Variants in NTNG1 observed in about 807,000 individuals in gnomAD.
NTNG1 encodes netrin-G1.
NTNG1 carries 16 observed loss-of-function variants against 54.0 expected under a neutral mutation model. The observed-to-expected ratio is 0.30, with a 90% CI of 0.20 to 0.45. The LOEUF (loss-of-function observed/expected upper bound fraction) is 0.45, where lower values mean the gene tolerates loss of function less well. NTNG1 is among the 20% of genes least tolerant of loss of function. NTNG1 has a pLI of 1.00. For synonymous variants in NTNG1, 255 were observed against 263.1 expected, an observed-to-expected ratio of 0.97 and a Z score of 0.30; for missense variants, 530 against 678.7, an observed-to-expected ratio of 0.78 and a Z score of 2.43.
chr1:107,243,917 T>C (rs1662010977), intron 2 of NTNG1, among the ~76,000 whole-genome samples: 1 of 152,224 alleles, frequency 6.6e-6, no homozygotes, highest in African/African-American at 2.4e-5. Flanking sequence ...ACTAGGCATT[T>C]TGTCCAGTGA....
intron 3 of NTNG1, among the ~76,000 whole-genome samples, chr1:107,329,238 C>A (rs756884986): frequency 2.7e-4 from 41 of 152,284 alleles, no homozygotes; most frequent in African/African-American, 2.4e-4. Flanking sequence ...TGCTCAGAAT[C>A]ACACTCTCCC....
At chr1:107,477,681 C>T (rs1678416474) in intron 7 of NTNG1, among the ~76,000 whole-genome samples, 1 of 151,958 alleles carries the variant, frequency 6.6e-6, no homozygotes, top group Admixed American at 6.6e-5. Flanking sequence ...ATTATTTATA[C>T]TATCATGTGA....
chr1:107,442,717 C>T (rs1676041872), intron 7 of NTNG1, among the ~76,000 whole-genome samples: 1 of 152,102 alleles, frequency 6.6e-6, no homozygotes. Flanking sequence ...CTGAGCAGCC[C>T]ACATCAAGGG....
At chr1:107,394,988 C>CT (rs776835857) in intron 3 of NTNG1, among the ~76,000 whole-genome samples, 166 bp from the exon 4 acceptor site, 1 of 152,078 alleles carries the variant, frequency 6.6e-6, no homozygotes, top group East Asian at 1.9e-4. Context: ...GCAAACGGCT[C>CT]TTTTGGGGAA....
chr1:107,453,340 C>T (rs1172787854), intron 7 of NTNG1, among the ~76,000 whole-genome samples: 1 of 152,174 alleles, frequency 6.6e-6, no homozygotes, highest in African/African-American at 2.4e-5. Flanking sequence ...TAATGTTCCT[C>T]TAGGATATGG....
intron 7 of NTNG1, 23 bp from the exon 8 acceptor site, chr1:107,480,588 C>CCCAAAA: frequency 1.8e-6 from 2 of 1,119,754 alleles, no homozygotes; most frequent in Non-Finnish European, 2.6e-6. Context: ...CCACCCACCC[C>CCCAAAA]TACCTTCCCC....
At chr1:107,325,298 A>C (rs1179322576) in intron 3 of NTNG1, among the ~76,000 whole-genome samples, 1 of 152,150 alleles carries the variant, frequency 6.6e-6, no homozygotes, top group Non-Finnish European at 1.5e-5. Flanking sequence ...AATGCAAAGC[A>C]GGGATTCAAC....
chr1:107,182,536 GA>G (rs905675451), intron 2 of NTNG1, among the ~76,000 whole-genome samples: 4 of 151,846 alleles, frequency 2.6e-5, no homozygotes, highest in East Asian at 1.9e-4. Context: ...ATAGATACAA[GA>G]AAAAAAATGA....
intron 6 of NTNG1, among the ~76,000 whole-genome samples, chr1:107,433,553 A>C (rs1675408981): frequency 6.6e-6 from 1 of 152,204 alleles, no homozygotes; most frequent in Non-Finnish European, 1.5e-5. Flanking sequence ...CATCTCAAAA[A>C]ATAAAATAAA....
intron 5 of NTNG1, among the ~76,000 whole-genome samples, chr1:107,413,533 T>C (rs1353932909): frequency 6.6e-6 from 1 of 152,146 alleles, no homozygotes; most frequent in Admixed American, 6.5e-5. Flanking sequence ...AGGGACCTTG[T>C]AATTTTATCT....
At position 107,148,709 on chromosome 1, in the gene NTNG1, C is replaced by A. The variant is rs776588522; in HGVS notation, c.116C>A (p.Thr39Lys). ...HYDLCKTQIY[T>K]EEGKVWDYMA... is the part of the protein sequence containing the mutation. The stretch of plus-strand genomic sequence containing the variant: ...GATTTGTGTAAGACTCAGATTTACA[C>A]GGAAGAAGGGAAAGTTTGGGATTAC... The change falls in exon 2 of 8, where the codon ACG (threonine) becomes AAG (lysine). Residue 39 changes from threonine (T) to lysine (K), a missense_variant. By Grantham distance (78) the Thr-to-Lys change is moderately conservative. Around this residue, in one of 2 missense-constraint regions of NTNG1, gnomAD observed 318 missense variants for 465.1 expected, o/e 0.68. Transcript: ENST00000370068. 2 of 1,613,454 alleles carry A rather than the reference C, an allele frequency of 1.2e-6. No individual in the cohort carries two copies. The highest frequency in any genetic ancestry group is 1.7e-6 in the Non-Finnish European group (2 of 1,179,720).
intron 5 of NTNG1, among the ~76,000 whole-genome samples, chr1:107,414,347 G>A (rs1674054823): frequency 6.6e-6 from 1 of 151,966 alleles, no homozygotes; most frequent in Non-Finnish European, 1.5e-5. Context: ...GTTTGGGGGT[G>A]GGTTCTTAAA....
intron 3 of NTNG1, among the ~76,000 whole-genome samples, chr1:107,359,210 C>T (rs1241700668): frequency 6.6e-6 from 1 of 152,130 alleles, no homozygotes; most frequent in African/African-American, 2.4e-5. Flanking sequence ...CAGCTCATGA[C>T]AATGTAATTA....
At chr1:107,361,119 GTATTATATATTTCTTATATTATA>G (rs911689286) in intron 3 of NTNG1, among the ~76,000 whole-genome samples, 10 of 142,446 alleles carry the variant, frequency 7.0e-5, no homozygotes, top group Admixed American at 2.9e-4. Context: ...AATATATATA[GTATTATATATTTCTTATATTATA>G]TATTATATAT....
chr1:107,437,491 G>A (rs571513926), intron 7 of NTNG1, among the ~76,000 whole-genome samples: 25 of 152,154 alleles, frequency 1.6e-4, no homozygotes, highest in African/African-American at 5.3e-4. Context: ...GGTTCCTTCC[G>A]TCTTTTATAA....
At chr1:107,286,392 A>C (rs1274872782) in intron 2 of NTNG1, among the ~76,000 whole-genome samples, 1 of 152,174 alleles carries the variant, frequency 6.6e-6, no homozygotes, top group Admixed American at 6.6e-5. Context: ...TATCCTAGTG[A>C]TGCCTAAACC....
intron 2 of NTNG1, among the ~76,000 whole-genome samples, chr1:107,185,219 A>G (rs1657362435): frequency 2.0e-5 from 3 of 152,194 alleles, no homozygotes; most frequent in South Asian, 2.1e-4. Context: ...CACAAATTGG[A>G]TGGCTTAAAA....
intron 2 of NTNG1, among the ~76,000 whole-genome samples, chr1:107,183,157 T>A (rs549012731): frequency 2.6e-4 from 39 of 152,212 alleles, no homozygotes; most frequent in Non-Finnish European, 4.7e-4. Flanking sequence ...TTCATTATCC[T>A]TGTTCATGGG....
chr1:107,419,479 C>T (rs367975782), intron 5 of NTNG1, among the ~76,000 whole-genome samples: 1 of 151,842 alleles, frequency 6.6e-6, no homozygotes, highest in East Asian at 1.9e-4. Flanking sequence ...AGAAAGAGAA[C>T]TTTTAAAGGC....
Sources: gnomAD v4.1 joint callset for allele counts (sites outside exome capture counted in the v4.1 genomes callset) on GRCh38, gnomAD v4.1.1 for gene constraint, gnomAD v4.1.1 regional missense constraint, MANE v1.5 for transcripts, NCBI Gene and HGNC (gene_info 2026-07-23, HGNC 2026-07-21) for gene names.